Variants in AKR1C2 observed in about 807,000 individuals in gnomAD.
AKR1C2 encodes aldo-keto reductase family 1 member C2.
In AKR1C2, 27 loss-of-function variants were observed where a neutral mutation model predicts 39.8. The observed-to-expected ratio is 0.68, with a 90% confidence interval of 0.50 to 0.93. AKR1C2 has a LOEUF of 0.93. Among genes scored for constraint, AKR1C2 ranks in the 40% least tolerant of loss-of-function variants. The probability of loss-of-function intolerance (pLI) is 0.00; values close to 1 mark genes in which losing one functional copy is unlikely to be tolerated. For synonymous variants in AKR1C2, 114 were observed against 137.9 expected (o/e 0.83, Z 1.22); for missense variants, 263 against 365.1 (o/e 0.72, Z 2.28).
intron 1 of AKR1C2, among the ~76,000 whole-genome samples, chr10:5,014,240 A>G (rs1341419192): frequency 2.0e-5 from 3 of 151,744 alleles, no homozygotes; most frequent in Non-Finnish European, 4.4e-5. Flanking sequence ...GTGAGCCCCA[A>G]ATACCTGAGA....
chr10:5,000,343 C>G lies in AKR1C2; in HGVS notation c.369+207G>C, dbSNP rs868963671. ...AGAGGCTTTGAGGATTCTGCACTCT[C>G]TTTTCTTGTAGACATGCAATCACGG... is the stretch of plus-strand genomic sequence containing the variant. On this transcript the variant is annotated intron_variant, in intron 3 of 8. Coordinates refer to ENST00000380753, the MANE Select transcript of AKR1C2 (RefSeq NM_001393392.1). The G allele has an allele frequency of 1.5e-5, 23 of 1,537,002 alleles. No individual in the cohort carries two copies. The Middle Eastern group carries it at 6.0e-4, about 40-fold the overall frequency.
upstream of AKR1C2, chr10:5,003,905 C>A: frequency 6.9e-7 from 1 of 1,447,188 alleles, no homozygotes; most frequent in Non-Finnish European, 9.7e-7. Context: ...GAGCTGGCAA[C>A]GCCCCTGAGC....
chr10:4,989,644 A>C lies in AKR1C2; in HGVS notation c.*352T>G, dbSNP rs1488942798. 2.7e-5 allele frequency: 7 copies of C among 263,200 alleles called. No homozygotes were observed. Among genetic ancestry groups the C allele is most frequent in the Non-Finnish European group, 5.0e-5 (7 of 140,044 alleles). 16.3% of individuals were successfully genotyped at this position (263,200 alleles called of 1,614,324 possible). On this transcript the variant is annotated 3_prime_UTR_variant, in exon 9 of 9. Coordinates refer to ENST00000380753, the MANE Select transcript of AKR1C2 (RefSeq NM_001393392.1). ...AGAGGGTGAAACTCCACCCACTCCC[A>C]CTGCAGAAATGAATCTTAAATGGTT...
Position 4,991,829 on chromosome 10 carries a change from A to G in AKR1C2, c.929+2T>C, listed in dbSNP as rs576413370. 50 of 516,566 alleles carry G rather than the reference A, an allele frequency of 9.7e-5. No homozygotes were observed. In the South Asian group the frequency reaches 1.1e-3, roughly 11 times the overall value. 32.0% of individuals were successfully genotyped at this position (516,566 alleles called of 1,614,324 possible). On this transcript the variant is annotated splice_donor_variant, in intron 8 of 8. Coordinates refer to ENST00000380753, the MANE Select transcript of AKR1C2 (RefSeq NM_001393392.1). LOFTEE classifies it high-confidence loss of function. ...AGGACAACCATCTCCAAAATTACTT[A>G]CATATCAAGGGTCAAATATCGCACA...
chr10:5,006,751 G>A (rs1164211701), upstream of AKR1C2, among the ~76,000 whole-genome samples: 3 of 133,570 alleles, frequency 2.2e-5, no homozygotes, highest in Non-Finnish European at 3.3e-5. Context: ...AAATTTCACC[G>A]AATCCATATT....
At chr10:5,009,883 G>A (rs1274757433) in intron 1 of AKR1C2, among the ~76,000 whole-genome samples, 5 of 146,608 alleles carry the variant, frequency 3.4e-5, no homozygotes, top group African/African-American at 7.6e-5. Flanking sequence ...AGAAGAGTCC[G>A]GCCACTGGGC....
intron 1 of AKR1C2, among the ~76,000 whole-genome samples, chr10:5,009,407 G>A (rs1564336106): frequency 6.6e-6 from 1 of 151,958 alleles, no homozygotes; most frequent in Non-Finnish European, 1.5e-5. Flanking sequence ...ATGCAGTCAG[G>A]GTGACTCAGC....
rs562634068 is a variant in AKR1C2, at chr10:4,994,890, G to A, written c.846+429C>T. 1.8e-4 allele frequency among the ~76,000 whole-genome samples: 24 copies of A among 132,414 alleles called. 1 individual carries two copies. The highest frequency in any genetic ancestry group is 5.9e-4 in the African/African-American group (21 of 35,684). 86.9% of individuals were successfully genotyped at this position (132,414 alleles called of 152,430 possible). On this transcript the variant is annotated intron_variant, in intron 7 of 8. Coordinates refer to ENST00000380753, the MANE Select transcript of AKR1C2 (RefSeq NM_001393392.1). The stretch of plus-strand genomic sequence containing the variant: ...AAAAATAAAGACACACAACCACCTC[G>A]CCAAAAAAAAAGGCAGAGTTAAACA...
rs191115903 is a variant in AKR1C2 at position 4,997,599 on chromosome 10, C to T, written c.570+1026G>A. Among the ~76,000 whole-genome samples, 850 of 151,950 alleles carry T rather than the reference C, an allele frequency of 5.6e-3. 4 individuals carry two copies. Among genetic ancestry groups the T allele is most frequent in the Non-Finnish European group, 6.8e-3 (461 of 67,978 alleles). On this transcript the variant is annotated intron_variant, in intron 5 of 8. Transcript: ENST00000380753. ...TAGTAATTTTGAATATAAATGGTAA[C>T]ATGGGTCTCCAGTATTATTTTTATC...
intron 1 of AKR1C2, among the ~76,000 whole-genome samples, chr10:5,017,655 C>G (rs1269843962): frequency 6.6e-6 from 1 of 152,154 alleles, no homozygotes; most frequent in Non-Finnish European, 1.5e-5. Context: ...CCATCTTCTT[C>G]TGAGCCCTCT....
rs782333373 is a variant in AKR1C2, at chr10:5,001,661, T to C, written c.105A>G (p.Leu35=). The C allele has an allele frequency of 2.5e-6, 4 of 1,613,788 alleles. No homozygotes were observed. Residue 35 remains leucine (L), a synonymous_variant, in exon 2 of 9, where the codon CTA becomes CTG. Transcript: ENST00000380753. ...CTTCTATTGCCAATTTGACGGCCTC[T>C]AGAGCTTTACTTTTAGGAACCTGGG... ...APAEVPKSKA[L]EAVKLAIEAG... is the part of the protein sequence containing the mutation.
chr10:5,010,392 G>C (rs1837494589), intron 1 of AKR1C2: 1 of 137,958 alleles, frequency 7.2e-6, no homozygotes, highest in African/African-American at 2.7e-5. Context: ...TAAGCTCTCG[G>C]GGTCGCCCAG....
intron 8 of AKR1C2, among the ~76,000 whole-genome samples, chr10:4,990,319 ATCCCACATCT>A (rs1836791384): frequency 5.3e-5 from 8 of 151,958 alleles, no homozygotes; most frequent in Non-Finnish European, 1.2e-4. Context: ...TCAACAACAG[ATCCCACATCT>A]GTCAACAAAG....
intron 2 of AKR1C2, among the ~76,000 whole-genome samples, chr10:5,001,047 AAC>A (rs564588543): frequency 1.1e-3 from 163 of 152,284 alleles, no homozygotes; most frequent in African/African-American, 3.7e-3. Context: ...TGAGGAGGCA[AAC>A]ACAGTTTTTA....
chr10:5,001,427 C>G (rs1377196648), intron 2 of AKR1C2, 87 bp downstream of exon 2: 2 of 1,528,092 alleles, frequency 1.3e-6, no homozygotes, highest in Admixed American at 4.4e-5. Flanking sequence ...ACAATTCACC[C>G]TCAACTATGG....
At chr10:5,015,620 T>G (rs2131733327) in intron 1 of AKR1C2, among the ~76,000 whole-genome samples, 1 of 152,178 alleles carries the variant, frequency 6.6e-6, no homozygotes. Context: ...CAGCCCTGGG[T>G]CCCCAGACAA....
At chr10:5,005,342 C>T (rs1554774292), upstream of AKR1C2, among the ~76,000 whole-genome samples, 2 of 152,108 alleles carry the variant, frequency 1.3e-5, no homozygotes, top group African/African-American at 4.8e-5. Flanking sequence ...AATCTATATA[C>T]AGTAAAAAAG....
At chr10:5,008,217 CAT>C (rs1837443854), upstream of AKR1C2, among the ~76,000 whole-genome samples, 1 of 148,026 alleles carries the variant, frequency 6.8e-6, no homozygotes, top group African/African-American at 2.5e-5. Flanking sequence ...GCTCCAACCA[CAT>C]ATTAGTGCTC....
upstream of AKR1C2, chr10:5,006,490 C>T (rs1837405599): frequency 1.3e-5 from 2 of 152,098 alleles, no homozygotes; most frequent in South Asian, 2.1e-4. Context: ...GTAATTCCAG[C>T]TACTCCGGAG....
Sources: gnomAD v4.1 joint callset for allele counts (sites outside exome capture counted in the v4.1 genomes callset) on GRCh38, gnomAD v4.1.1 for gene constraint, MANE v1.5 for transcripts, NCBI Gene and HGNC (gene_info 2026-07-23, HGNC 2026-07-21) for gene names.